GLP2R: variants seen among roughly 807,000 people sequenced by gnomAD.
GLP2R encodes glucagon-like peptide 2 receptor.
A neutral mutation model predicts 68.2 loss-of-function variants in GLP2R; 59 were observed. The ratio of observed to expected loss-of-function variants is 0.87; its 90% CI spans 0.70 to 1.07. The LOEUF (loss-of-function observed/expected upper bound fraction) is 1.07, where lower values mean the gene tolerates loss of function less well. GLP2R is among the 50% of genes least tolerant of loss of function. The probability of loss-of-function intolerance (pLI) is 0.00; values close to 1 mark genes in which losing one functional copy is unlikely to be tolerated. For synonymous variants in GLP2R, 270 were observed against 265.4 expected (o/e 1.02, Z -0.17); for missense variants, 548 against 677.4 (o/e 0.81, Z 2.12).
intron 4 of GLP2R, chr17:9,852,865 G>T: frequency 5.0e-6 from 2 of 400,210 alleles, no homozygotes; most frequent in South Asian, 2.4e-5. Context: ...TTTTTTCTGT[G>T]GAAACTTGCT....
At chr17:9,835,469 G>GGTCCAAGT (rs768408040) in intron 2 of GLP2R, among the ~76,000 whole-genome samples, 21 of 152,236 alleles carry the variant, frequency 1.4e-4, no homozygotes, top group Non-Finnish European at 2.4e-4. Context: ...CCCCTGAGAT[G>GGTCCAAGT]GTCCAAGTAT....
intron 11 of GLP2R, among the ~76,000 whole-genome samples, chr17:9,885,758 A>C (rs2067239047): frequency 1.3e-5 from 2 of 151,918 alleles, no homozygotes; most frequent in African/African-American, 4.8e-5. Flanking sequence ...GGAGTCACAA[A>C]GTCATCCTAG....
chr17:9,830,871 T>G (rs2066673718), intron 1 of GLP2R, among the ~76,000 whole-genome samples: 1 of 152,218 alleles, frequency 6.6e-6, no homozygotes, highest in South Asian at 2.1e-4. Context: ...ATAAAGGTGG[T>G]GGCATCCGAT....
chr17:9,880,639 T>C (rs1364963113), intron 11 of GLP2R, 123 bp downstream of exon 11: 1 of 639,628 alleles, frequency 1.6e-6, no homozygotes, highest in Non-Finnish European at 2.6e-6. Context: ...GCAGCCTTTA[T>C]CAGTAAGGGC....
intron 10 of GLP2R, among the ~76,000 whole-genome samples, chr17:9,872,474 G>A (rs931529088): frequency 6.6e-6 from 1 of 152,202 alleles, no homozygotes; most frequent in African/African-American, 2.4e-5. Flanking sequence ...CTACTCAGGA[G>A]GCTGAGGCAG....
chr17:9,852,854 A>T (rs8074914), intron 4 of GLP2R: 69,813 of 380,280 alleles, frequency 0.18, 8,669 homozygotes, highest in African/African-American at 0.36. Flanking sequence ...GGAAGTTTTA[A>T]TTTTTTCTGT....
chr17:9,853,067 C>T (rs551932697), intron 4 of GLP2R: 37 of 521,514 alleles, frequency 7.1e-5, no homozygotes, highest in African/African-American at 6.4e-4. Flanking sequence ...GCTGTACAGA[C>T]ATTTTCAAAG....
chr17:9,890,100 A>T lies in GLP2R; in HGVS notation c.*395A>T, dbSNP rs55789050. 102,329 of 457,570 alleles carry T rather than the reference A, an allele frequency of 0.22. 14,064 individuals carry two copies. The highest frequency in any genetic ancestry group is 0.31 in the Non-Finnish European group (69,585 of 227,986). 28.3% of individuals were successfully genotyped at this position (457,570 alleles called of 1,614,324 possible). On this transcript the variant is annotated 3_prime_UTR_variant, in exon 13 of 13. Transcript: ENST00000262441. ...CTGAGGTTGGGTTTAGGGTGCGTGA[A>T]AACCTCCTAGGAAGCTTTTAAAATG... is the stretch of plus-strand genomic sequence containing the variant.
At chr17:9,856,978 G>C (rs1441398905) in intron 5 of GLP2R, among the ~76,000 whole-genome samples, 2 of 151,940 alleles carry the variant, frequency 1.3e-5, no homozygotes, top group Non-Finnish European at 2.9e-5. Flanking sequence ...CTGGCGTGCA[G>C]TGGCGTGATC....
intron 4 of GLP2R, among the ~76,000 whole-genome samples, chr17:9,848,819 G>A (rs980659159): frequency 6.6e-6 from 1 of 151,706 alleles, no homozygotes; most frequent in African/African-American, 2.4e-5. Flanking sequence ...TCCAACTAAC[G>A]AGATGCTGGG....
chr17:9,857,372 G>A, intron 5 of GLP2R, 51 bp from the exon 6 acceptor site: 1 of 1,581,562 alleles, frequency 6.3e-7, no homozygotes, highest in Non-Finnish European at 8.7e-7. Context: ...AGGCCTGTTG[G>A]TTGGAGCCAT....
In GLP2R at chr17:9,889,824, C is replaced by T. The variant is rs2067276303; in HGVS notation, c.*119C>T. 7 of 656,094 alleles carry T rather than the reference C, an allele frequency of 1.1e-5. No homozygotes were observed. The highest frequency in any genetic ancestry group is 4.0e-4 in the Middle Eastern group (1 of 2,510). The allele number at this position is 656,094 out of a possible 1,614,324, so 40.6% of individuals were successfully genotyped here. ...ATCATTCTCGTTCCATTCACCATGC[C>T]ACTTTGATATGAAAGCTATCACAAG... On this transcript the variant is annotated 3_prime_UTR_variant, in exon 13 of 13. Transcript: ENST00000262441.
intron 1 of GLP2R, among the ~76,000 whole-genome samples, chr17:9,829,583 A>C (rs1457656612): frequency 1.3e-5 from 2 of 152,224 alleles, no homozygotes; most frequent in Non-Finnish European, 2.9e-5. Flanking sequence ...GTAGCTGTTA[A>C]AAGGATGCTT....
chr17:9,889,541 G>A lies in GLP2R; in HGVS notation c.1498G>A (p.Gly500Arg), dbSNP rs1227342784. The A allele has an allele frequency of 1.2e-6, 2 of 1,614,218 alleles. No homozygotes were observed. The highest frequency in any genetic ancestry group is 1.7e-5 in the Admixed American group (1 of 60,038). ...GAAGCTGCAGCCCTCACTTAACAGT[G>A]GGCGGCTCCTACATCTAGCCATGCG... ...LRKLQPSLNS[G>R]RLLHLAMRGL... The change falls in exon 13 of 13, where the codon GGG (glycine) becomes AGG (arginine). Residue 500 changes from glycine (G) to arginine (R), a missense_variant. Coordinates refer to ENST00000262441, the MANE Select transcript of GLP2R (RefSeq NM_004246.3).
intron 12 of GLP2R, among the ~76,000 whole-genome samples, chr17:9,889,074 T>G (rs573494718): frequency 2.4e-4 from 36 of 152,346 alleles, no homozygotes; most frequent in African/African-American, 8.7e-4. Context: ...TGTATCTTCA[T>G]GCAGGGGGCT....
At chr17:9,841,569 C>T (rs762258930) in intron 3 of GLP2R, among the ~76,000 whole-genome samples, 21 of 151,830 alleles carry the variant, frequency 1.4e-4, no homozygotes, top group South Asian at 6.3e-4. Context: ...AGTTTAGGGC[C>T]GGGGGATTGG....
intron 11 of GLP2R, among the ~76,000 whole-genome samples, chr17:9,882,991 C>CAAA (rs3073990): frequency 1.6e-3 from 206 of 126,108 alleles, no homozygotes; most frequent in Non-Finnish European, 2.6e-3. Context: ...ATACTCAGGA[C>CAAA]AAAAAAAAAA....
intron 4 of GLP2R, among the ~76,000 whole-genome samples, chr17:9,851,652 G>A (rs1249850430): frequency 1.3e-5 from 2 of 152,034 alleles, no homozygotes; most frequent in East Asian, 1.9e-4. Context: ...TACACCGAGA[G>A]TTCTGCCTCC....
chr17:9,889,697 G>T lies in GLP2R; in HGVS notation c.1654G>T (p.Glu552Ter). The T allele has an allele frequency of 6.4e-7, 1 of 1,552,266 alleles. No homozygotes were observed. The highest frequency in any genetic ancestry group is 1.9e-5 in the Admixed American group (1 of 52,278). The change falls in exon 13 of 13, where the codon GAG becomes TAG. Residue 552 changes from glutamate to a stop codon, truncating the protein, a stop_gained. Coordinates refer to ENST00000262441, the MANE Select transcript of GLP2R (RefSeq NM_004246.3). LOFTEE classifies it high-confidence loss of function. ...CATGGAGGAGATTCTGGAAGAGAGT[G>T]AGATCTAGGGTGGAGTTCCACCACC... is the stretch of plus-strand genomic sequence containing the variant. ...NTMEEILEES[E>*]I
Sources: gnomAD v4.1 joint callset for allele counts (sites outside exome capture counted in the v4.1 genomes callset) on GRCh38, gnomAD v4.1.1 for gene constraint, MANE v1.5 for transcripts, NCBI Gene and HGNC (gene_info 2026-07-23, HGNC 2026-07-21) for gene names.